Variants in NALF1 observed in about 807,000 individuals in gnomAD.
The protein encoded by NALF1 is family with sequence similarity 155 member A.
NALF1 carries 3 observed loss-of-function variants against 48.4 expected under a neutral mutation model. The observed-to-expected ratio is 0.06, with a 90% CI of 0.03 to 0.16. The LOEUF (loss-of-function observed/expected upper bound fraction) is 0.16. NALF1 is among the 10% of genes least tolerant of loss of function. The probability of loss-of-function intolerance (pLI) is 1.00; values close to 1 mark genes in which losing one functional copy is unlikely to be tolerated. For missense variants in NALF1, 526 were observed against 571.5 expected, an observed-to-expected ratio of 0.92 and a Z score of 0.81; for synonymous variants, 262 against 245.7, an observed-to-expected ratio of 1.07 and a Z score of -0.62.
At chr13:107,638,187 T>TTA (rs559263292) in intron 1 of NALF1, among the ~76,000 whole-genome samples, 3,017 of 53,066 alleles carry the variant, frequency 0.057, 192 homozygotes, top group Middle Eastern at 0.13. Flanking sequence ...ATATAAAGAT[T>TTA]TATATATATA....
At chr13:107,647,695 A>T (rs1274921468) in intron 1 of NALF1, among the ~76,000 whole-genome samples, 1 of 152,100 alleles carries the variant, frequency 6.6e-6, no homozygotes, top group African/African-American at 2.4e-5. Flanking sequence ...TTTGTCATAA[A>T]TAAATAGAGG....
At chr13:107,812,225 A>G (rs2061183391) in intron 1 of NALF1, among the ~76,000 whole-genome samples, 1 of 152,166 alleles carries the variant, frequency 6.6e-6, no homozygotes, top group Non-Finnish European at 1.5e-5. Flanking sequence ...ACATATCCAA[A>G]TATTACAGTT....
intron 1 of NALF1, among the ~76,000 whole-genome samples, chr13:107,292,850 T>C (rs1881649692): frequency 6.6e-6 from 1 of 152,206 alleles, no homozygotes; most frequent in African/African-American, 2.4e-5. Context: ...CACTAGACTT[T>C]TATATGACAG....
At chr13:107,224,867 A>G (rs1277714487) in intron 1 of NALF1, among the ~76,000 whole-genome samples, 1 of 152,232 alleles carries the variant, frequency 6.6e-6, no homozygotes, top group African/African-American at 2.4e-5. Flanking sequence ...ACAGCTAATA[A>G]TTTGATATTT....
intron 1 of NALF1, among the ~76,000 whole-genome samples, chr13:107,367,480 G>A (rs867500391): frequency 1.3e-5 from 2 of 152,176 alleles, no homozygotes; most frequent in Non-Finnish European, 2.9e-5. Flanking sequence ...TCAGTCATGC[G>A]TTTCCCATTT....
At chr13:107,441,293 T>C (rs1255224455) in intron 1 of NALF1, among the ~76,000 whole-genome samples, 1 of 152,144 alleles carries the variant, frequency 6.6e-6, no homozygotes, top group Non-Finnish European at 1.5e-5. Flanking sequence ...AGTATGTAAG[T>C]CAATAACTAT....
chr13:107,210,626 C>A lies in NALF1; in HGVS notation c.1045G>T (p.Asp349Tyr). 6.2e-7 allele frequency: 1 copy of A among 1,613,700 alleles called. No individual in the cohort carries two copies. Among genetic ancestry groups the A allele is most frequent in the Non-Finnish European group, 8.5e-7 (1 of 1,179,634 alleles). The change falls in exon 2 of 3, where the codon GAT becomes TAT. Residue 349 changes from aspartate to tyrosine, a missense_variant. Around this residue, in one of 2 missense-constraint regions of NALF1, gnomAD observed 153 missense variants for 215.9 expected, o/e 0.71. Transcript: ENST00000375915. Reference protein sequence around the residue: ...TRCPFILPDNDEVIYGGLSSF... With the variant: ...TRCPFILPDNYEVIYGGLSSF... The stretch of plus-strand genomic sequence containing the variant: ...GAGAGGCCTCCGTAGATGACTTCAT[C>A]ATTGTCGGGCAATATAAATGGACAC...
chr13:107,572,290 C>T (rs893821580), intron 1 of NALF1, among the ~76,000 whole-genome samples: 5 of 151,996 alleles, frequency 3.3e-5, no homozygotes, highest in Non-Finnish European at 4.4e-5. Flanking sequence ...TGGTAATGAA[C>T]GACCCTGGGA....
rs76334939 is a variant in NALF1 at position 107,365,796 on chromosome 13, C to T, written c.916-155041G>A. Among the ~76,000 whole-genome samples the T allele has an allele frequency of 8.1e-3, 1,236 of 152,246 alleles. 22 individuals carry two copies. The highest frequency in any genetic ancestry group is 0.028 in the African/African-American group (1,181 of 41,540). Reference sequence around the variant, plus strand: ...TAGATCTTCTGAGCTACAACATTATCGACTTAGCAAATACCCTCAAACTGC... The same window carrying T: ...TAGATCTTCTGAGCTACAACATTATTGACTTAGCAAATACCCTCAAACTGC... On this transcript the variant is annotated intron_variant, in intron 1 of 2. Coordinates refer to ENST00000375915, the MANE Select transcript of NALF1 (RefSeq NM_001080396.3).
At chr13:107,731,076 A>C (rs79514128) in intron 1 of NALF1, among the ~76,000 whole-genome samples, 1,736 of 152,224 alleles carry the variant, frequency 0.011, 22 homozygotes, top group African/African-American at 0.037. Context: ...AGGAACGAGG[A>C]ATGTTAGAGC....
chr13:107,733,876 G>T (rs1876386203), intron 1 of NALF1, among the ~76,000 whole-genome samples: 1 of 152,096 alleles, frequency 6.6e-6, no homozygotes, highest in East Asian at 1.9e-4. Flanking sequence ...AGGAGGATAT[G>T]AACTGGGAAA....
chr13:107,458,120 C>T (rs188496500), intron 1 of NALF1, among the ~76,000 whole-genome samples: 179 of 152,302 alleles, frequency 1.2e-3, no homozygotes, highest in Middle Eastern at 6.8e-3. Context: ...CAAAAAACAT[C>T]TCCTTCATGC....
intron 1 of NALF1, among the ~76,000 whole-genome samples, chr13:107,749,913 A>C (rs1594243079): frequency 6.6e-6 from 1 of 151,806 alleles, no homozygotes; most frequent in Non-Finnish European, 1.5e-5. Flanking sequence ...TCCACCTCCC[A>C]GGTTCAAGCG....
At chr13:107,430,796 G>A (rs1206426788) in intron 1 of NALF1, among the ~76,000 whole-genome samples, 3 of 152,054 alleles carry the variant, frequency 2.0e-5, no homozygotes, top group South Asian at 4.1e-4. Flanking sequence ...ATGATTTATA[G>A]TCCTTTGGGT....
intron 1 of NALF1, among the ~76,000 whole-genome samples, chr13:107,843,421 G>A (rs940984399): frequency 8.5e-5 from 13 of 152,260 alleles, no homozygotes; most frequent in African/African-American, 2.9e-4. Context: ...GCTCTAGAAA[G>A]GAAATGCTAA....
chr13:107,465,266 T>C (rs1884982037), intron 1 of NALF1, among the ~76,000 whole-genome samples: 1 of 151,864 alleles, frequency 6.6e-6, no homozygotes, highest in South Asian at 2.1e-4. Flanking sequence ...TTTGGTTTGT[T>C]AAATATTGTC....
intron 1 of NALF1, among the ~76,000 whole-genome samples, chr13:107,472,629 G>A (rs575599581): frequency 1.3e-4 from 20 of 152,192 alleles, no homozygotes; most frequent in African/African-American, 4.6e-4. Flanking sequence ...CTCCCGTGCT[G>A]GATGCTTCCT....
At chr13:107,369,129 C>T (rs981862845) in intron 1 of NALF1, among the ~76,000 whole-genome samples, 2 of 152,198 alleles carry the variant, frequency 1.3e-5, no homozygotes, top group African/African-American at 4.8e-5. Context: ...ATTTCCATAG[C>T]CCCTTATGTA....
chr13:107,627,660 G>C (rs921942512), intron 1 of NALF1, among the ~76,000 whole-genome samples: 8 of 152,010 alleles, frequency 5.3e-5, no homozygotes, highest in African/African-American at 1.7e-4. Context: ...TCACTTAAAA[G>C]GTTACATGCA....
Sources: allele counts gnomAD v4.1 joint callset (sites outside exome capture counted in the v4.1 genomes callset), GRCh38; gene constraint gnomAD v4.1.1; regional missense constraint gnomAD v4.1.1; transcripts MANE v1.5; gene names NCBI Gene and HGNC (gene_info 2026-07-23, HGNC 2026-07-21).